The following HSPG2 variants were observed in gnomAD, a reference collection of about 807,000 sequenced individuals.
The protein encoded by HSPG2 is heparan sulfate proteoglycan 2, also known as basement membrane-specific heparan sulfate proteoglycan core protein.
In HSPG2, 278 loss-of-function variants were observed where a neutral mutation model predicts 526.6. The ratio of observed to expected loss-of-function variants is 0.53; its 90% confidence interval spans 0.48 to 0.58. The LOEUF (loss-of-function observed/expected upper bound fraction) is 0.58, where lower values mean the gene tolerates loss of function less well. HSPG2 is among the 20% of genes least tolerant of loss of function. HSPG2 has a pLI of 0.00. For missense variants in HSPG2, 5,354 were observed against 6,099.5 expected (o/e 0.88, Z 4.07); for synonymous variants, 2,465 against 2,555.4 (o/e 0.96, Z 1.07).
In HSPG2 at chr1:21,847,624, GA is replaced by G. The variant is rs1039271243; in HGVS notation, c.8025+64del. The G allele has an allele frequency of 6.2e-7, 1 of 1,604,396 alleles. No homozygotes were observed. The highest frequency in any genetic ancestry group is 1.3e-5 in the African/African-American group (1 of 74,706). On this transcript the variant is annotated intron_variant, in intron 61 of 96. Transcript: ENST00000374695. This position sits in a 1 kb window ranked among gnomAD's most constrained non-coding sequence, Gnocchi z 4.1. ...CCCAGGGCCCAATCCGTGAGACAGG[GA>G]GCCTGCTCTGCTCACCCCAGGAGAC...
chr1:21,823,486 C>T lies in HSPG2; in HGVS notation c.13006G>A (p.Gly4336Arg), dbSNP rs550270875. 4.4e-5 allele frequency: 70 copies of T among 1,602,000 alleles called. No individual in the cohort carries two copies. Among genetic ancestry groups the T allele is most frequent in the South Asian group, 5.5e-5 (5 of 90,446 alleles). Residue 4336 changes from glycine to arginine, a missense_variant and splice_region_variant, in exon 97 of 97, where the codon GGA (glycine) becomes AGA (arginine). Gly to Arg is a moderately radical substitution (Grantham distance 125, BLOSUM62 -2). Coordinates refer to ENST00000374695, the MANE Select transcript of HSPG2 (RefSeq NM_005529.7). ...GTCAGCGTGGCCACGTCAGGGGCTCCGCCTGCCGGGAGGTGAGAGGACAGG... is the reference window on the plus strand; with the variant it reads ...GTCAGCGTGGCCACGTCAGGGGCTCTGCCTGCCGGGAGGTGAGAGGACAGG... ...VNAKGSVYIG[G>R]APDVATLTGG...
At chr1:21,937,061 C>T (rs1179185029) in intron 1 of HSPG2, 94 bp downstream of exon 1, 4 of 396,670 alleles carry the variant, frequency 1.0e-5, no homozygotes, top group Admixed American at 6.2e-5. Flanking sequence ...CAGCCTTGGG[C>T]GCCCCAGCCA....
chr1:21,929,694 C>T (rs1644299017), intron 1 of HSPG2, among the ~76,000 whole-genome samples: 1 of 152,004 alleles, frequency 6.6e-6, no homozygotes, highest in Admixed American at 6.5e-5. Flanking sequence ...CTGCCCACTC[C>T]TCCTGGAACT....
chr1:21,838,804 C>A (rs151184700), intron 74 of HSPG2, 21 bp downstream of exon 74: 17 of 1,609,610 alleles, frequency 1.1e-5, no homozygotes, highest in Middle Eastern at 1.8e-4. Flanking sequence ...TCCCCTTCCA[C>A]GCAGAGCCGG....
At chr1:21,926,761 C>CAAAAAA (rs57835686) in intron 1 of HSPG2, among the ~76,000 whole-genome samples, 8 of 55,846 alleles carry the variant, frequency 1.4e-4, no homozygotes, top group African/African-American at 5.1e-4. Context: ...GACTCAGTCT[C>CAAAAAA]AAAAAAAAAA....
At chr1:21,853,120 G>A in intron 50 of HSPG2, 50 bp from the exon 51 acceptor site, 3 of 1,609,740 alleles carry the variant, frequency 1.9e-6, no homozygotes, top group Non-Finnish European at 2.5e-6. Context: ...GCTGTAACCT[G>A]TAGCCCTGGG....
intron 1 of HSPG2, among the ~76,000 whole-genome samples, chr1:21,935,379 T>A (rs957612497): frequency 3.3e-5 from 5 of 152,200 alleles, no homozygotes; most frequent in Admixed American, 2.0e-4. Flanking sequence ...CCCACCAGCC[T>A]GTGAGTGCTG....
Position 21,854,748 on chromosome 1 carries a change from G to A in HSPG2, c.6151C>T (p.Pro2051Ser). ...VVLSASDASP[P>S]PVKIESSSPS... is the part of the protein sequence containing the mutation. ...GATGAGGACTCAATCTTGACCGGCGGTGGGCTGGCATCTGAGGCTGGGGCC... is the reference window on the plus strand; with the variant it reads ...GATGAGGACTCAATCTTGACCGGCGATGGGCTGGCATCTGAGGCTGGGGCC... The change falls in exon 49 of 97, where the codon CCG becomes TCG. Residue 2051 changes from proline to serine, a missense_variant. Physicochemically the swap from Pro to Ser is moderately conservative, Grantham distance 74 (BLOSUM62 -1). Transcript: ENST00000374695. 1.2e-6 allele frequency: 2 copies of A among 1,613,728 alleles called. No individual in the cohort carries two copies. The highest frequency in any genetic ancestry group is 1.7e-6 in the Non-Finnish European group (2 of 1,179,864).
At chr1:21,909,639 G>A (rs1643558004) in intron 1 of HSPG2, among the ~76,000 whole-genome samples, 1 of 152,236 alleles carries the variant, frequency 6.6e-6, no homozygotes, top group African/African-American at 2.4e-5. Context: ...GCTGAAGCCA[G>A]GGGCAGAGGC....
intron 1 of HSPG2, among the ~76,000 whole-genome samples, chr1:21,930,193 G>A (rs1337077684): frequency 6.6e-5 from 10 of 152,104 alleles, no homozygotes; most frequent in Non-Finnish European, 1.5e-5. Flanking sequence ...TGCACTAGCT[G>A]TGCCCTCTGC....
intron 25 of HSPG2, 40 bp downstream of exon 25, chr1:21,875,589 C>G: frequency 6.6e-7 from 1 of 1,517,826 alleles, no homozygotes; most frequent in Non-Finnish European, 9.0e-7. Context: ...GGAGCCCCTC[C>G]CCAAGCCCAT....
At chr1:21,855,230 G>T (rs77060492) in intron 47 of HSPG2, 74 bp downstream of exon 47, 8 of 1,528,770 alleles carry the variant, frequency 5.2e-6, no homozygotes, top group Non-Finnish European at 5.3e-6. Flanking sequence ...GGGGCGTGAA[G>T]GGGGAGGGAA....
Position 21,876,402 on chromosome 1 carries a change from G to A in HSPG2, c.2830C>T (p.His944Tyr), listed in dbSNP as rs757860996. The change falls in exon 23 of 97, where the codon CAT (histidine) becomes TAT (tyrosine). Residue 944 changes from histidine (H) to tyrosine (Y), a missense_variant. By Grantham distance (83) the His-to-Tyr change is moderately conservative. Transcript: ENST00000374695. ...TGACCAGGCTCCTCAGAGGCCCCAT[G>A]CAACTGGGAGGAGGAGAAAGGGCTG... The part of the protein sequence containing the change: ...TSSSWSRAQL[H>Y]GASEEPGHFS... The A allele has an allele frequency of 6.2e-7, 1 of 1,610,424 alleles. No homozygotes were observed. Among genetic ancestry groups the A allele is most frequent in the South Asian group, 1.1e-5 (1 of 90,434 alleles).
intron 67 of HSPG2, 44 bp from the exon 68 acceptor site, chr1:21,842,424 G>A: frequency 1.3e-6 from 2 of 1,541,452 alleles, no homozygotes; most frequent in Non-Finnish European, 1.8e-6. Flanking sequence ...AAAGTCCCCA[G>A]GACAAGGAAT....
chr1:21,837,221 GCT>G (rs968544057), intron 74 of HSPG2, among the ~76,000 whole-genome samples: 2 of 152,212 alleles, frequency 1.3e-5, no homozygotes, highest in African/African-American at 4.8e-5. Context: ...GGAGCGCTGG[GCT>G]CTGTTTCCAC....
chr1:21,897,383 G>A (rs745782333), intron 1 of HSPG2, among the ~76,000 whole-genome samples: 7 of 152,220 alleles, frequency 4.6e-5, no homozygotes, highest in Non-Finnish European at 1.0e-4. Flanking sequence ...GGCTAGACAA[G>A]GTAGTGAGGT....
At position 21,881,395 on chromosome 1, in the gene HSPG2, G is replaced by A. The variant is rs778444704; in HGVS notation, c.1762C>T (p.Arg588Cys). The change falls in exon 14 of 97, where the codon CGC becomes TGC. Residue 588 changes from arginine to cysteine, a missense_variant. Transcript: ENST00000374695. ...CAGAAGGAGTCGTGGACGAGGAAGCGGCGGGACAGGTCGACTAGCTGGAAC... is the reference window on the plus strand; with the variant it reads ...CAGAAGGAGTCGTGGACGAGGAAGCAGCGGGACAGGTCGACTAGCTGGAAC... ...HEFQLVDLSR[R>C]FLVHDSFWAL... 10 of 1,614,060 alleles carry A rather than the reference G, an allele frequency of 6.2e-6. No homozygotes were observed. The highest frequency in any genetic ancestry group is 1.3e-5 in the African/African-American group (1 of 74,926).
intron 86 of HSPG2, 125 bp from the exon 87 acceptor site, chr1:21,829,729 T>C: frequency 1.2e-6 from 1 of 866,560 alleles, no homozygotes; most frequent in Non-Finnish European, 1.8e-6. Context: ...TCAGGACCAG[T>C]TGGCACCAGC....
rs769512346 is a variant in HSPG2, at chr1:21,839,078, T to C, written c.9897A>G (p.Pro3299=). Residue 3299 remains proline (P), a synonymous_variant, in exon 74 of 97, where the codon CCA becomes CCG. Transcript: ENST00000374695. This position sits in a 1 kb window ranked among gnomAD's most constrained non-coding sequence, Gnocchi z 4.5. ...CGTGCTCTGGGACCGTGGTGGCATATGGTGGGCCTGAGTGGGGGGACACAG... is the reference window on the plus strand; with the variant it reads ...CGTGCTCTGGGACCGTGGTGGCATACGGTGGGCCTGAGTGGGGGGACACAG... The part of the protein sequence containing the change: ...ATIILHVESP[P]YATTVPEHAS... 3.8e-6 allele frequency: 6 copies of C among 1,581,830 alleles called. No homozygotes were observed. Among genetic ancestry groups the C allele is most frequent in the Admixed American group, 3.4e-5 (2 of 58,586 alleles).
Sources: gnomAD v4.1 joint callset for allele counts (sites outside exome capture counted in the v4.1 genomes callset) on GRCh38, gnomAD v4.1.1 for gene constraint, Gnocchi (gnomAD v3.1) non-coding constraint, MANE v1.5 for transcripts, NCBI Gene and HGNC (gene_info 2026-07-23, HGNC 2026-07-21) for gene names.